Variants in SUSD4 observed in about 807,000 individuals in gnomAD.
SUSD4 encodes the protein sushi domain containing 4, also known as sushi domain-containing protein 4.
Under a neutral mutation model 50.5 loss-of-function variants are expected in SUSD4, and 41 were observed. That is an observed-to-expected ratio of 0.81 (90% confidence interval 0.63 to 1.05). The LOEUF (loss-of-function observed/expected upper bound fraction) is 1.05, where lower values mean the gene tolerates loss of function less well. Among genes scored for constraint, SUSD4 ranks in the 50% least tolerant of loss-of-function variants. SUSD4 has a pLI of 0.00. For synonymous variants in SUSD4, 257 were observed against 257.3 expected (o/e 1.00, Z 0.01); for missense variants, 580 against 634.7 (o/e 0.91, Z 0.93).
chr1:223,251,888 A>G (rs902390478), intron 5 of SUSD4, among the ~76,000 whole-genome samples: 13 of 151,918 alleles, frequency 8.6e-5, no homozygotes, highest in Non-Finnish European at 1.6e-4. Context: ...AAGTGTTCCT[A>G]TTTCTCCACA....
intron 3 of SUSD4, among the ~76,000 whole-genome samples, chr1:223,291,582 A>G (rs1191117121): frequency 6.6e-6 from 1 of 151,880 alleles, no homozygotes; most frequent in Non-Finnish European, 1.5e-5. Context: ...AATAGTTTCC[A>G]TATTATTATA....
In SUSD4 at chr1:223,223,433, C is replaced by A. The variant is rs780973283; in HGVS notation, c.1260G>T (p.Thr420=). Residue 420 remains threonine, a synonymous_variant, in exon 8 of 9, where the codon ACG becomes ACT. Transcript: ENST00000366878. ...SPPAYPGSGD[T]DTGPGESETC... ...TTTCTGACTCCCCTGGGCCTGTGTC[C>A]GTGTCCCCTGAGCCGGGGTATGCTG... 1.9e-6 allele frequency: 3 copies of A among 1,613,938 alleles called. No individual in the cohort carries two copies. The South Asian group carries it at 3.3e-5, about 18-fold the overall frequency.
intron 4 of SUSD4, among the ~76,000 whole-genome samples, chr1:223,266,708 C>T (rs185786008): frequency 1.8e-4 from 28 of 152,318 alleles, no homozygotes; most frequent in Admixed American, 1.8e-3. Flanking sequence ...TAGAGAGAGG[C>T]CTCCTCAGGC....
chr1:223,278,438 G>T (rs1663438631), intron 3 of SUSD4, among the ~76,000 whole-genome samples: 1 of 152,172 alleles, frequency 6.6e-6, no homozygotes, highest in African/African-American at 2.4e-5. Context: ...GACTGGGAGG[G>T]TCCCACACCC....
At chr1:223,319,048 T>A (rs1375700826) in intron 2 of SUSD4, among the ~76,000 whole-genome samples, 3 of 44,778 alleles carry the variant, frequency 6.7e-5, no homozygotes, top group Non-Finnish European at 4.5e-5. Context: ...AAACAAGCAA[T>A]GGGGAAAGGA....
In SUSD4 at chr1:223,223,244, C is replaced by G. The variant is rs1265739465; in HGVS notation, c.1444+5G>C. 1 of 1,528,908 alleles carries G rather than the reference C, an allele frequency of 6.5e-7. No homozygotes were observed. The highest frequency in any genetic ancestry group is 1.3e-5 in the South Asian group (1 of 77,992). The allele number at this position is 1,528,908 out of a possible 1,614,324, so 94.7% of individuals were successfully genotyped here. A position where few individuals can be genotyped will look rare whatever the true frequency, so the allele number is the denominator to read the frequency against. ...TGTGGCTTGGGCCCTGGGGCAAGCA[C>G]TTACCATCTGCAATGTCGATGCCTG... On this transcript the variant is annotated splice_donor_5th_base_variant and intron_variant, in intron 8 of 8. Transcript: ENST00000366878.
intron 2 of SUSD4, among the ~76,000 whole-genome samples, chr1:223,317,640 G>C (rs527303626): frequency 1.3e-5 from 2 of 152,074 alleles, no homozygotes; most frequent in Non-Finnish European, 2.9e-5. Flanking sequence ...CTTTCAGAAA[G>C]TCCTCAAGAA....
intron 5 of SUSD4, among the ~76,000 whole-genome samples, chr1:223,256,527 A>G (rs1661704553): frequency 6.6e-6 from 1 of 152,204 alleles, no homozygotes; most frequent in Non-Finnish European, 1.5e-5. Flanking sequence ...CCAGGCTCAC[A>G]GGCTGACTGT....
intron 3 of SUSD4, among the ~76,000 whole-genome samples, chr1:223,287,947 CA>C (rs1399621938): frequency 6.6e-6 from 1 of 152,162 alleles, no homozygotes; most frequent in Admixed American, 6.5e-5. Context: ...AGAGGAAACT[CA>C]AAGAAGAAAA....
At chr1:223,363,235 C>G in intron 2 of SUSD4, 43 bp downstream of exon 2, 1 of 1,503,904 alleles carries the variant, frequency 6.6e-7, no homozygotes, top group South Asian at 1.4e-5. Context: ...TTTCTCCCCT[C>G]TGGGCCATCC....
intron 3 of SUSD4, among the ~76,000 whole-genome samples, chr1:223,270,482 A>G (rs991952778): frequency 6.6e-6 from 1 of 152,136 alleles, no homozygotes; most frequent in African/African-American, 2.4e-5. Flanking sequence ...CCCTTTGCCC[A>G]TGATTTCAAC....
chr1:223,250,983 G>A (rs1661263562), intron 5 of SUSD4, among the ~76,000 whole-genome samples: 1 of 152,218 alleles, frequency 6.6e-6, no homozygotes, highest in Non-Finnish European at 1.5e-5. Context: ...ATGTGCAGTG[G>A]ATCGAATTGG....
chr1:223,267,937 T>A (rs1662604779), intron 4 of SUSD4, among the ~76,000 whole-genome samples: 3 of 148,634 alleles, frequency 2.0e-5, no homozygotes, highest in Admixed American at 6.8e-5. Flanking sequence ...TCTAAAAAAA[T>A]GCAAGGGAAT....
intron 2 of SUSD4, among the ~76,000 whole-genome samples, chr1:223,338,678 C>T (rs1179107764): frequency 2.6e-5 from 4 of 152,174 alleles, no homozygotes; most frequent in Non-Finnish European, 5.9e-5. Context: ...GGGTGATGCA[C>T]TTATGCGAGG....
Position 223,357,369 on chromosome 1 carries a change from A to G in SUSD4, c.148+5909T>C, listed in dbSNP as rs1248219400. On this transcript the variant is annotated intron_variant, in intron 2 of 8. Coordinates refer to ENST00000366878, the MANE Select transcript of SUSD4 (RefSeq NM_017982.4). ...CAGCTTAAAGAAAAATGTTTGAATC[A>G]AATACAATACAAAGAAAAAAATGTA... Among the ~76,000 whole-genome samples, 4 of 152,322 alleles carry G rather than the reference A, an allele frequency of 2.6e-5. No individual in the cohort carries two copies. The East Asian group carries it at 7.7e-4, about 29-fold the overall frequency.
chr1:223,355,906 GT>G (rs909006082), intron 2 of SUSD4, among the ~76,000 whole-genome samples: 6 of 152,246 alleles, frequency 3.9e-5, no homozygotes, highest in African/African-American at 1.4e-4. Flanking sequence ...TGGAGACTGG[GT>G]GTGCACTCTT....
intron 5 of SUSD4, among the ~76,000 whole-genome samples, chr1:223,240,520 T>C (rs1660508108): frequency 6.6e-6 from 1 of 152,160 alleles, no homozygotes; most frequent in Non-Finnish European, 1.5e-5. Flanking sequence ...TTTGGGAGGA[T>C]TCTACTAACA....
At chr1:223,303,454 C>T (rs996755117) in intron 2 of SUSD4, among the ~76,000 whole-genome samples, 1 of 152,196 alleles carries the variant, frequency 6.6e-6, no homozygotes. Context: ...GAGCTTACAT[C>T]TAGGACATTC....
chr1:223,300,200 C>T (rs1412657255), intron 2 of SUSD4, among the ~76,000 whole-genome samples: 1 of 152,178 alleles, frequency 6.6e-6, no homozygotes, highest in African/African-American at 2.4e-5. Flanking sequence ...TTACTGGCAT[C>T]ACCGTCACTG....
Sources: gnomAD v4.1 joint callset for allele counts (sites outside exome capture counted in the v4.1 genomes callset) on GRCh38, gnomAD v4.1.1 for gene constraint, MANE v1.5 for transcripts, NCBI Gene and HGNC (gene_info 2026-07-23, HGNC 2026-07-21) for gene names.